The following THRB variants were observed in gnomAD, a reference collection of about 807,000 sequenced individuals.
The protein encoded by THRB is thyroid hormone receptor beta.
In THRB, 12 loss-of-function variants were observed where a neutral mutation model predicts 47.8. That is an observed-to-expected ratio of 0.25 (90% CI 0.16 to 0.41). The LOEUF is 0.41. Among genes scored for constraint, THRB ranks in the 10% least tolerant of loss-of-function variants. THRB has a pLI of 1.00. For missense variants in THRB, 348 were observed against 589.2 expected (o/e 0.59, Z 4.24); for synonymous variants, 218 against 212.2 (o/e 1.03, Z -0.24).
intron 1 of THRB, among the ~76,000 whole-genome samples, chr3:24,465,191 A>G (rs1419188612): frequency 6.6e-6 from 1 of 152,206 alleles, no homozygotes; most frequent in East Asian, 1.9e-4. Context: ...GTTTTGAATT[A>G]TATTTTAGCT....
chr3:24,454,278 T>C (rs2072955830), intron 1 of THRB, among the ~76,000 whole-genome samples: 1 of 152,208 alleles, frequency 6.6e-6, no homozygotes, highest in South Asian at 2.1e-4. Flanking sequence ...TATTGTATTA[T>C]TCCATATACA....
intron 3 of THRB, among the ~76,000 whole-genome samples, chr3:24,233,560 G>GAAGAAAAAAGAAAGAAAGAAAGA (rs2048481266): frequency 9.1e-5 from 7 of 77,302 alleles, no homozygotes; most frequent in Admixed American, 8.6e-4. Context: ...AAAGAAAAAG[G>GAAGAAAAAAGAAAGAAAGAAAGA]AAGAAAGAAA....
chr3:24,173,688 T>C (rs914085426), intron 5 of THRB, among the ~76,000 whole-genome samples: 35 of 152,350 alleles, frequency 2.3e-4, no homozygotes, highest in African/African-American at 7.9e-4. Flanking sequence ...TTCTTTTCAG[T>C]CATCTTCAAG....
intron 3 of THRB, among the ~76,000 whole-genome samples, chr3:24,291,273 T>C (rs564747787): frequency 1.2e-4 from 19 of 152,356 alleles, no homozygotes; most frequent in Non-Finnish European, 1.9e-4. Flanking sequence ...GGAGGCCTTT[T>C]GAATATTGAG....
chr3:24,202,182 T>C (rs2044670971), intron 4 of THRB, among the ~76,000 whole-genome samples: 1 of 152,224 alleles, frequency 6.6e-6, no homozygotes, highest in African/African-American at 2.4e-5. Flanking sequence ...GGCTGAAATA[T>C]GGCTCAGAGA....
chr3:24,440,490 T>A (rs1248957745), intron 1 of THRB, among the ~76,000 whole-genome samples: 1 of 152,216 alleles, frequency 6.6e-6, no homozygotes, highest in Non-Finnish European at 1.5e-5. Context: ...TCTTCAGATA[T>A]GTATTTTGAT....
chr3:24,168,404 G>C (rs2039944288), intron 5 of THRB, among the ~76,000 whole-genome samples: 1 of 151,670 alleles, frequency 6.6e-6, no homozygotes, highest in Non-Finnish European at 1.5e-5. Flanking sequence ...AGCAGCTTAA[G>C]AGTTATTTCA....
intron 4 of THRB, among the ~76,000 whole-genome samples, chr3:24,205,482 C>A (rs891755178): frequency 2.0e-4 from 30 of 152,298 alleles, no homozygotes; most frequent in Middle Eastern, 3.4e-3. Flanking sequence ...GCCTGCCCTA[C>A]AAGAGCTCCT....
chr3:24,260,528 G>A (rs1301076982), intron 3 of THRB, among the ~76,000 whole-genome samples: 4 of 152,132 alleles, frequency 2.6e-5, no homozygotes. Context: ...TCTTTCTCTG[G>A]CTTTCTCTTT....
intron 4 of THRB, among the ~76,000 whole-genome samples, chr3:24,206,097 C>T (rs1283809544): frequency 1.3e-5 from 2 of 152,158 alleles, no homozygotes; most frequent in African/African-American, 2.4e-5. Flanking sequence ...ATCAACGAGA[C>T]AGAAAGTTAA....
intron 1 of THRB, among the ~76,000 whole-genome samples, chr3:24,424,713 A>C (rs1321569407): frequency 6.6e-6 from 1 of 152,008 alleles, no homozygotes; most frequent in Non-Finnish European, 1.5e-5. Context: ...TTTTTAAAAA[A>C]TTGTAAAAGC....
At chr3:24,494,378 C>G (rs1222461073) in intron 1 of THRB, 1 of 152,322 alleles carries the variant, frequency 6.6e-6, no homozygotes, top group African/African-American at 2.4e-5. Flanking sequence ...CAGAGCCCGG[C>G]CACCCTGTTC....
chr3:24,423,207 C>T (rs1433360891), intron 1 of THRB, among the ~76,000 whole-genome samples: 2 of 151,898 alleles, frequency 1.3e-5, no homozygotes, highest in African/African-American at 2.4e-5. Flanking sequence ...CTGGCCAATC[C>T]TACCTGAAGT....
intron 1 of THRB, among the ~76,000 whole-genome samples, chr3:24,353,976 TA>T (rs1013771936): frequency 6.6e-6 from 1 of 152,114 alleles, no homozygotes; most frequent in Admixed American, 6.6e-5. Context: ...ATGCTTCTAT[TA>T]AGAATTTTAA....
intron 4 of THRB, among the ~76,000 whole-genome samples, chr3:24,191,493 T>C (rs894059059): frequency 6.6e-6 from 1 of 152,190 alleles, no homozygotes; most frequent in African/African-American, 2.4e-5. Context: ...GATACCCATA[T>C]CCCTGGGGCT....
intron 1 of THRB, among the ~76,000 whole-genome samples, chr3:24,348,337 C>T (rs772829884): frequency 3.9e-5 from 6 of 152,062 alleles, no homozygotes; most frequent in Admixed American, 6.6e-5. Flanking sequence ...ATTGTGAACA[C>T]GCCCTGCCCC....
intron 3 of THRB, among the ~76,000 whole-genome samples, chr3:24,285,317 T>C (rs1366346394): frequency 6.6e-6 from 1 of 151,460 alleles, no homozygotes; most frequent in Admixed American, 6.6e-5. Context: ...TAATTCTCAG[T>C]AAACTATCAC....
chr3:24,359,085 C>T lies in THRB; in HGVS notation c.-260-21714G>A, dbSNP rs115050563. On this transcript the variant is annotated intron_variant, in intron 1 of 10. Coordinates refer to ENST00000646209, the MANE Select transcript of THRB (RefSeq NM_001354712.2). ...CCCAAAATTTAGTGGCTTAAAACAG[C>T]AACCACTTTTATCACGTCTGATGAT... 9.8e-3 allele frequency among the ~76,000 whole-genome samples: 1,494 copies of T among 152,228 alleles called. 23 individuals are homozygous for T. Among genetic ancestry groups the T allele is most frequent in the African/African-American group, 0.035 (1,437 of 41,536 alleles).
rs1559499553 is a variant in THRB, at chr3:24,168,490, A to ATATATATATATATATATATATAT, written c.284-16001_284-16000insATATATATATATATATATATATA. Among the ~76,000 whole-genome samples, 789 of 137,848 alleles carry ATATATATATATATATATATATAT rather than the reference A, an allele frequency of 5.7e-3. 20 individuals carry two copies. The highest frequency in any genetic ancestry group is 7.1e-3 in the African/African-American group (265 of 37,398). The allele number at this position is 137,848 out of a possible 152,430, so 90.4% of individuals were successfully genotyped here. ...TCCGATTAGAAGTGTTTCAATCAAT[A>ATATATATATATATATATATATAT]ATATATATATATATATATATGCGCC... On this transcript the variant is annotated intron_variant, in intron 5 of 10. Transcript: ENST00000646209.
Sources: allele counts gnomAD v4.1 joint callset (sites outside exome capture counted in the v4.1 genomes callset), GRCh38; gene constraint gnomAD v4.1.1; transcripts MANE v1.5; gene names NCBI Gene and HGNC (gene_info 2026-07-23, HGNC 2026-07-21).